The following ADGRB3 variants were observed in gnomAD, a reference collection of about 807,000 sequenced individuals.
ADGRB3 encodes the protein adhesion G protein-coupled receptor B3.
ADGRB3 carries 37 observed loss-of-function variants against 193.4 expected under a neutral mutation model. The observed-to-expected ratio is 0.19, with a 90% CI of 0.15 to 0.25. The LOEUF (loss-of-function observed/expected upper bound fraction) is 0.25. ADGRB3 is among the 10% of genes least tolerant of loss of function. The pLI, the probability that ADGRB3 is intolerant of heterozygous loss-of-function variation, is 1.00. For missense variants in ADGRB3, 1,637 were observed against 1,852.9 expected, an observed-to-expected ratio of 0.88 and a Z score of 2.14; for synonymous variants, 690 against 644.2, an observed-to-expected ratio of 1.07 and a Z score of -1.08.
intron 17 of ADGRB3, among the ~76,000 whole-genome samples, chr6:69,136,575 C>T (rs1208914356): frequency 6.6e-6 from 1 of 151,992 alleles, no homozygotes; most frequent in Non-Finnish European, 1.5e-5. Context: ...TATAAACAAT[C>T]GATTTTCTTC....
At chr6:68,653,205 C>T (rs1361567170) in intron 3 of ADGRB3, among the ~76,000 whole-genome samples, 2 of 152,110 alleles carry the variant, frequency 1.3e-5, no homozygotes, top group Non-Finnish European at 2.9e-5. Flanking sequence ...TGAGAAGAGC[C>T]TCTGCTCTAA....
chr6:68,955,392 T>C (rs1452911813), intron 6 of ADGRB3, among the ~76,000 whole-genome samples: 1 of 152,224 alleles, frequency 6.6e-6, no homozygotes, highest in Middle Eastern at 3.2e-3. Flanking sequence ...AAGGTCTTGC[T>C]CAGTATTTAG....
At chr6:69,250,433 A>C (rs1375123085) in intron 20 of ADGRB3, among the ~76,000 whole-genome samples, 1 of 152,234 alleles carries the variant, frequency 6.6e-6, no homozygotes, top group Non-Finnish European at 1.5e-5. Flanking sequence ...TGTATGCCTA[A>C]GAACAGCATC....
At position 68,963,516 on chromosome 6, in the gene ADGRB3, C is replaced by G. The variant is rs149362002; in HGVS notation, c.1525+6707C>G. 2.1e-3 allele frequency among the ~76,000 whole-genome samples: 315 copies of G among 152,188 alleles called. 4 individuals are homozygous for G. The highest frequency in any genetic ancestry group is 5.2e-3 in the African/African-American group (216 of 41,514). On this transcript the variant is annotated intron_variant, in intron 8 of 31. Transcript: ENST00000370598. ...TATTTCTATCAGCTTCAATAGCTTTCCAATGTTATCTCATCCTACTCATTT... is the reference window on the plus strand; with the variant it reads ...TATTTCTATCAGCTTCAATAGCTTTGCAATGTTATCTCATCCTACTCATTT...
intron 26 of ADGRB3, among the ~76,000 whole-genome samples, chr6:69,351,501 T>C (rs1291231223): frequency 1.3e-5 from 2 of 152,194 alleles, no homozygotes; most frequent in African/African-American, 4.8e-5. Flanking sequence ...GCACTAAAAG[T>C]GTCAGAGAAT....
intron 17 of ADGRB3, among the ~76,000 whole-genome samples, chr6:69,168,376 G>A (rs150738353): frequency 2.2e-4 from 34 of 152,150 alleles, no homozygotes; most frequent in Non-Finnish European, 4.1e-4. Flanking sequence ...CTATCAAAAA[G>A]CAACAAATAA....
intron 3 of ADGRB3, among the ~76,000 whole-genome samples, chr6:68,762,508 A>C (rs1173625064): frequency 6.6e-6 from 1 of 152,096 alleles, no homozygotes; most frequent in Non-Finnish European, 1.5e-5. Context: ...AGAGAGAGAG[A>C]GAGTGATAGA....
At chr6:69,304,209 G>T (rs1378393458) in intron 20 of ADGRB3, among the ~76,000 whole-genome samples, 1 of 151,668 alleles carries the variant, frequency 6.6e-6, no homozygotes, top group Non-Finnish European at 1.5e-5. Context: ...AAATATTTGG[G>T]TTGCTGATAT....
chr6:68,713,613 A>G (rs963624041), intron 3 of ADGRB3, among the ~76,000 whole-genome samples: 9 of 150,360 alleles, frequency 6.0e-5, no homozygotes, highest in Non-Finnish European at 4.4e-5. Context: ...TTCTCATGTT[A>G]TTTTTCCAGT....
intron 3 of ADGRB3, among the ~76,000 whole-genome samples, chr6:68,895,754 G>A (rs1406727628): frequency 6.6e-6 from 1 of 151,696 alleles, no homozygotes; most frequent in Admixed American, 6.6e-5. Flanking sequence ...AAATGCCTAG[G>A]AATGGAAACT....
chr6:68,953,573 A>C (rs2150255518), intron 6 of ADGRB3, among the ~76,000 whole-genome samples: 1 of 152,346 alleles, frequency 6.6e-6, no homozygotes, highest in Admixed American at 6.5e-5. Flanking sequence ...TAGATAATTT[A>C]TAATATCCTA....
intron 3 of ADGRB3, among the ~76,000 whole-genome samples, chr6:68,678,870 A>G (rs1042890481): frequency 2.0e-5 from 3 of 152,198 alleles, no homozygotes; most frequent in Admixed American, 1.3e-4. Flanking sequence ...AGTAATAACA[A>G]TATCAGAGAA....
chr6:69,298,792 C>T (rs575077380), intron 20 of ADGRB3, among the ~76,000 whole-genome samples: 1 of 152,044 alleles, frequency 6.6e-6, no homozygotes, highest in Admixed American at 6.6e-5. Context: ...TTGATGGATA[C>T]TTAGGTTGAT....
chr6:69,164,575 G>A (rs1303703455), intron 17 of ADGRB3, among the ~76,000 whole-genome samples: 1 of 152,056 alleles, frequency 6.6e-6, no homozygotes, highest in Non-Finnish European at 1.5e-5. Context: ...AAGGTAAGAA[G>A]GCAAGCATTA....
At chr6:68,649,653 T>G (rs1179841395) in intron 3 of ADGRB3, among the ~76,000 whole-genome samples, 11 of 152,230 alleles carry the variant, frequency 7.2e-5, no homozygotes, top group Non-Finnish European at 1.5e-4. Flanking sequence ...TAAGACAATC[T>G]ATCTTGGATT....
intron 3 of ADGRB3, among the ~76,000 whole-genome samples, chr6:68,670,417 T>C (rs1276282882): frequency 6.6e-6 from 1 of 152,022 alleles, no homozygotes; most frequent in Non-Finnish European, 1.5e-5. Context: ...GATTTAAGTC[T>C]TTCATTCATT....
At chr6:69,114,436 A>C (rs1773464205) in intron 17 of ADGRB3, among the ~76,000 whole-genome samples, 1 of 152,048 alleles carries the variant, frequency 6.6e-6, no homozygotes, top group African/African-American at 2.4e-5. Flanking sequence ...AGATTGCAAA[A>C]ATTTTCTCCC....
intron 29 of ADGRB3, among the ~76,000 whole-genome samples, chr6:69,365,486 C>G (rs1769548573): frequency 6.6e-6 from 1 of 152,060 alleles, no homozygotes. Context: ...CTCAGTTCTT[C>G]TATCATTTGA....
chr6:69,320,817 A>ATGTG (rs1491560826), intron 20 of ADGRB3, among the ~76,000 whole-genome samples: 22 of 104,966 alleles, frequency 2.1e-4, no homozygotes, highest in African/African-American at 7.4e-4. Context: ...GTGCTTGTGC[A>ATGTG]TGTGTGTATG....
Sources: gnomAD v4.1 joint callset for allele counts (sites outside exome capture counted in the v4.1 genomes callset) on GRCh38, gnomAD v4.1.1 for gene constraint, MANE v1.5 for transcripts, NCBI Gene and HGNC (gene_info 2026-07-23, HGNC 2026-07-21) for gene names.